The following MYO10 variants were observed in gnomAD, a reference collection of about 807,000 sequenced individuals.
MYO10 encodes the protein myosin X.
A neutral mutation model predicts 257.3 loss-of-function variants in MYO10; 133 were observed. The observed-to-expected ratio is 0.52, with a 90% CI of 0.45 to 0.60. The LOEUF is 0.60. Ranked by LOEUF, MYO10 falls within the 20% of genes least tolerant of loss-of-function variation. The probability of loss-of-function intolerance (pLI) is 0.00; values close to 1 mark genes in which losing one functional copy is unlikely to be tolerated. For missense variants in MYO10, 2,399 were observed against 2,635.7 expected (o/e 0.91, Z 1.97); for synonymous variants, 1,104 against 1,028.6 (o/e 1.07, Z -1.40).
intron 2 of MYO10, among the ~76,000 whole-genome samples, chr5:16,861,882 C>A (rs1388961347): frequency 6.6e-6 from 1 of 152,172 alleles, no homozygotes; most frequent in Non-Finnish European, 1.5e-5. Context: ...TGTTATTACA[C>A]CTAGGCTCAA....
chr5:16,778,572 C>G (rs907094474), intron 9 of MYO10, among the ~76,000 whole-genome samples: 2 of 151,986 alleles, frequency 1.3e-5, no homozygotes, highest in Non-Finnish European at 2.9e-5. Context: ...TGGGTGGGGC[C>G]ACGGGGAATT....
At chr5:16,708,607 G>A (rs1376479148) in intron 21 of MYO10, among the ~76,000 whole-genome samples, 2 of 152,192 alleles carry the variant, frequency 1.3e-5, no homozygotes, top group African/African-American at 4.8e-5. Flanking sequence ...TGTCGCCCAG[G>A]TTGGAGTGCA....
At chr5:16,814,070 C>T (rs1326329888) in intron 3 of MYO10, among the ~76,000 whole-genome samples, 1 of 152,326 alleles carries the variant, frequency 6.6e-6, no homozygotes, top group Non-Finnish European at 1.5e-5. Flanking sequence ...TGGAAACAGA[C>T]GCAGCCCTGC....
chr5:16,833,149 C>T (rs1181869958), intron 2 of MYO10, among the ~76,000 whole-genome samples: 1 of 151,930 alleles, frequency 6.6e-6, no homozygotes, highest in Non-Finnish European at 1.5e-5. Context: ...AATTAGAGTC[C>T]AAGATATGTT....
chr5:16,818,620 T>A (rs1580028520), intron 2 of MYO10, among the ~76,000 whole-genome samples: 1 of 134,946 alleles, frequency 7.4e-6, no homozygotes, highest in Non-Finnish European at 1.6e-5. Flanking sequence ...TTTTTTTTTT[T>A]AGATACAGGG....
At chr5:16,783,973 C>T (rs1343601516) in intron 4 of MYO10, among the ~76,000 whole-genome samples, 5 of 152,186 alleles carry the variant, frequency 3.3e-5, no homozygotes, top group African/African-American at 1.2e-4. Flanking sequence ...TCATGTTATT[C>T]CCACAATAAT....
chr5:16,932,902 GA>G (rs1746329246), intron 1 of MYO10, among the ~76,000 whole-genome samples: 1 of 152,122 alleles, frequency 6.6e-6, no homozygotes, highest in Non-Finnish European at 1.5e-5. Flanking sequence ...AGAATGGCTG[GA>G]ACTACAGGTG....
chr5:16,735,924 C>G (rs1437914053), intron 19 of MYO10, among the ~76,000 whole-genome samples: 6 of 152,172 alleles, frequency 3.9e-5, no homozygotes, highest in African/African-American at 9.7e-5. Flanking sequence ...CTCACTAGAG[C>G]TAAATCTCAA....
At chr5:16,790,531 G>C (rs756344533) in intron 4 of MYO10, among the ~76,000 whole-genome samples, 1 of 150,178 alleles carries the variant, frequency 6.7e-6, no homozygotes, top group Non-Finnish European at 1.5e-5. Flanking sequence ...GCAGTAGTGA[G>C]TGGGTTTCAT....
intron 28 of MYO10, among the ~76,000 whole-genome samples, chr5:16,689,082 A>G (rs1166274712): frequency 6.6e-6 from 1 of 152,212 alleles, no homozygotes; most frequent in African/African-American, 2.4e-5. Flanking sequence ...CAATGTCTCC[A>G]TTCAACAGAA....
In MYO10 at chr5:16,905,954, A is replaced by C. The variant is rs183630343; in HGVS notation, c.22-28247T>G. Among the ~76,000 whole-genome samples the C allele has an allele frequency of 4.6e-3, 698 of 152,308 alleles. 3 individuals carry two copies. Among genetic ancestry groups the C allele is most frequent in the Non-Finnish European group, 7.9e-3 (539 of 68,028 alleles). ...GTTCCCTATCTTCCATGGCAAGTTG[A>C]AAAAAAGAAAAAGAGAAAGAAAAGC... On this transcript the variant is annotated intron_variant, in intron 1 of 40. Transcript: ENST00000513610.
intron 2 of MYO10, among the ~76,000 whole-genome samples, chr5:16,823,994 G>A (rs537780873): frequency 6.6e-6 from 1 of 152,258 alleles, no homozygotes; most frequent in East Asian, 1.9e-4. Flanking sequence ...AGAACAAACT[G>A]TTCTGTTCTA....
chr5:16,845,954 CTCTG>C (rs1381461057), intron 2 of MYO10, among the ~76,000 whole-genome samples: 1 of 151,714 alleles, frequency 6.6e-6, no homozygotes, highest in Non-Finnish European at 1.5e-5. Context: ...CAGAGCGAGA[CTCTG>C]TCTCAAAAAA....
chr5:16,731,708 G>A (rs1453727786), intron 19 of MYO10, among the ~76,000 whole-genome samples: 2 of 152,188 alleles, frequency 1.3e-5, no homozygotes, highest in African/African-American at 2.4e-5. Flanking sequence ...AGAGGAAAGC[G>A]TGGACATTAC....
At chr5:16,784,875 T>C (rs1741527408) in intron 4 of MYO10, among the ~76,000 whole-genome samples, 1 of 152,172 alleles carries the variant, frequency 6.6e-6, no homozygotes, top group Non-Finnish European at 1.5e-5. Context: ...GGATCTCCAC[T>C]GGTCTAGACA....
chr5:16,774,247 A>G (rs764162670), intron 9 of MYO10, among the ~76,000 whole-genome samples: 1 of 152,154 alleles, frequency 6.6e-6, no homozygotes, highest in Non-Finnish European at 1.5e-5. Flanking sequence ...AAAGGAGCTC[A>G]GCTTGTCACC....
At chr5:16,797,417 T>A (rs1420328694) in intron 3 of MYO10, among the ~76,000 whole-genome samples, 2 of 152,044 alleles carry the variant, frequency 1.3e-5, no homozygotes, top group Non-Finnish European at 2.9e-5. Context: ...AGCAAAAGAT[T>A]TAAAAAAAGG....
Position 16,680,189 on chromosome 5 carries a change from T to C in MYO10, c.4385-85A>G, listed in dbSNP as rs938666141. 11 of 1,458,542 alleles carry C rather than the reference T, an allele frequency of 7.5e-6. No individual in the cohort carries two copies. In the Admixed American group the frequency reaches 8.7e-5, roughly 12 times the overall value. 90.4% of individuals were successfully genotyped at this position (1,458,542 alleles called of 1,614,324 possible). On this transcript the variant is annotated intron_variant, in intron 32 of 40. Coordinates refer to ENST00000513610, the MANE Select transcript of MYO10 (RefSeq NM_012334.3). ...ATGCCTGTGTCCTCTCTGACCTCAG[T>C]CCCTTTAATTATTCAATTCAATAGA...
chr5:16,884,962 A>G lies in MYO10; in HGVS notation c.22-7255T>C, dbSNP rs114600815. Among the ~76,000 whole-genome samples the G allele has an allele frequency of 4.7e-3, 710 of 152,298 alleles. 12 individuals are homozygous for G. Among genetic ancestry groups the G allele is most frequent in the African/African-American group, 0.016 (684 of 41,558 alleles). ...ACTGTCAGTGACCTAGTTAATTGAAAGCAGACTCTGTTGTCTAAATCCCAT... is the reference window on the plus strand; with the variant it reads ...ACTGTCAGTGACCTAGTTAATTGAAGGCAGACTCTGTTGTCTAAATCCCAT... On this transcript the variant is annotated intron_variant, in intron 1 of 40. Coordinates refer to ENST00000513610, the MANE Select transcript of MYO10 (RefSeq NM_012334.3).
Sources: gnomAD v4.1 joint callset for allele counts (sites outside exome capture counted in the v4.1 genomes callset) on GRCh38, gnomAD v4.1.1 for gene constraint, MANE v1.5 for transcripts, NCBI Gene and HGNC (gene_info 2026-07-23, HGNC 2026-07-21) for gene names.